Variants in DOCK2 observed in about 807,000 individuals in gnomAD.
DOCK2 encodes dedicator of cytokinesis 2.
DOCK2 carries 87 observed loss-of-function variants against 248.9 expected under a neutral mutation model. The ratio of observed to expected loss-of-function variants is 0.35; its 90% confidence interval spans 0.29 to 0.42. DOCK2 has a LOEUF of 0.42. Ranked by LOEUF, DOCK2 falls within the 10% of genes least tolerant of loss-of-function variation. The pLI, the probability that DOCK2 is intolerant of heterozygous loss-of-function variation, is 1.00. For missense variants in DOCK2, 1,747 were observed against 2,300.2 expected (o/e 0.76, Z 4.92); for synonymous variants, 805 against 821.6 (o/e 0.98, Z 0.35).
chr5:170,031,298 TGAAA>T (rs1416788294), intron 34 of DOCK2, among the ~76,000 whole-genome samples: 11 of 152,180 alleles, frequency 7.2e-5, no homozygotes, highest in Admixed American at 6.5e-4. Context: ...TTTCAAGGAA[TGAAA>T]GAAAGTCCAG....
chr5:169,990,962 G>A (rs181221612), intron 29 of DOCK2, among the ~76,000 whole-genome samples: 12 of 152,390 alleles, frequency 7.9e-5, no homozygotes, highest in African/African-American at 2.9e-4. Context: ...AACAACAGCT[G>A]ACATGTACTG....
chr5:169,740,560 G>A (rs555164019), intron 22 of DOCK2, among the ~76,000 whole-genome samples: 7 of 152,236 alleles, frequency 4.6e-5, no homozygotes, highest in Non-Finnish European at 7.4e-5. Flanking sequence ...AAATAATCTC[G>A]TCATTGACAA....
rs1044632869 is a variant in DOCK2 at position 170,067,442 on chromosome 5, C to A, written c.4468-68C>A. The A allele has an allele frequency of 7.5e-5, 113 of 1,504,040 alleles. 1 individual carries two copies. Among genetic ancestry groups the A allele is most frequent in the Admixed American group, 1.1e-4 (6 of 53,738 alleles). 93.2% of individuals were successfully genotyped at this position (1,504,040 alleles called of 1,614,324 possible). ...ATTCCCACCCCAAGTGAAATCAATA[C>A]CAATAATATCTGTTTTTAAAGTGAC... On this transcript the variant is annotated intron_variant, in intron 44 of 51. Coordinates refer to ENST00000520908, the MANE Select transcript of DOCK2 (RefSeq NM_004946.3).
chr5:169,721,960 T>G (rs1762234577), intron 22 of DOCK2, among the ~76,000 whole-genome samples: 1 of 152,218 alleles, frequency 6.6e-6, no homozygotes, highest in Non-Finnish European at 1.5e-5. Context: ...GTGCTGTAGC[T>G]GCAAAGGAAG....
At chr5:169,980,932 A>G (rs1777917910) in intron 27 of DOCK2, among the ~76,000 whole-genome samples, 1 of 152,056 alleles carries the variant, frequency 6.6e-6, no homozygotes, top group Non-Finnish European at 1.5e-5. Context: ...CAGCTTTGTG[A>G]TCTCCGCCGG....
At chr5:169,639,240 G>T (rs920843129) in intron 1 of DOCK2, among the ~76,000 whole-genome samples, 1 of 152,170 alleles carries the variant, frequency 6.6e-6, no homozygotes, top group African/African-American at 2.4e-5. Flanking sequence ...CTAGCAGGAG[G>T]TCACTTATAA....
intron 22 of DOCK2, among the ~76,000 whole-genome samples, chr5:169,720,946 TCTC>T (rs1762166565): frequency 6.6e-6 from 1 of 152,174 alleles, no homozygotes; most frequent in African/African-American, 2.4e-5. Context: ...ATGGTCTTGA[TCTC>T]CTGATCTCGT....
chr5:169,855,812 C>T (rs1348982746), intron 27 of DOCK2, among the ~76,000 whole-genome samples: 1 of 152,124 alleles, frequency 6.6e-6, no homozygotes, highest in Non-Finnish European at 1.5e-5. Flanking sequence ...GAGAAAGAGC[C>T]ACAAGAGAAT....
intron 14 of DOCK2, among the ~76,000 whole-genome samples, chr5:169,703,487 A>ATCTCAGAAGT (rs1489541127): frequency 6.6e-6 from 1 of 152,200 alleles, no homozygotes; most frequent in Non-Finnish European, 1.5e-5. Context: ...GACTGGTTCC[A>ATCTCAGAAGT]GGCCCTCTGA....
intron 26 of DOCK2, among the ~76,000 whole-genome samples, chr5:169,804,485 T>TGTGCGCGC (rs61431388): frequency 1.6e-4 from 11 of 68,132 alleles, no homozygotes; most frequent in Non-Finnish European, 2.1e-4. Context: ...TGTGTGTGTG[T>TGTGCGCGC]GCGCGCGCGC....
At chr5:169,859,958 C>CTTTTTT (rs759586059) in intron 27 of DOCK2, among the ~76,000 whole-genome samples, 5 of 107,178 alleles carry the variant, frequency 4.7e-5, no homozygotes, top group Non-Finnish European at 7.2e-5. Context: ...GTGGATCCTT[C>CTTTTTT]TTTTTTTTTT....
chr5:170,013,169 G>A (rs573393408), intron 32 of DOCK2, among the ~76,000 whole-genome samples: 228 of 151,952 alleles, frequency 1.5e-3, no homozygotes, highest in African/African-American at 5.3e-3. Context: ...AGGTATTCTA[G>A]GGGAGCAACC....
chr5:169,694,750 T>C (rs1239690935), intron 9 of DOCK2, among the ~76,000 whole-genome samples: 1 of 151,942 alleles, frequency 6.6e-6, no homozygotes, highest in African/African-American at 2.4e-5. Context: ...GAGGCTGATG[T>C]GGGAGGATTG....
chr5:169,714,051 T>C lies in DOCK2; in HGVS notation c.1683T>C (p.Asp561=). 1 of 1,607,396 alleles carries C rather than the reference T, an allele frequency of 6.2e-7. No homozygotes were observed. Among genetic ancestry groups the C allele is most frequent in the Non-Finnish European group, 8.5e-7 (1 of 1,175,642 alleles). ...AGGGGGACAGCAAGAAGATGGAGGA[T>C]GCCAGCGCATACCTGACCCTTCCTT... is the stretch of plus-strand genomic sequence containing the variant. ...VLKGDSKKME[D]ASAYLTLPSY... is the part of the protein sequence containing the mutation. The change falls in exon 18 of 52, where the codon GAT becomes GAC. Residue 561 remains aspartate, a synonymous_variant. Transcript: ENST00000520908.
At chr5:169,656,881 AC>A (rs1463609088) in intron 2 of DOCK2, among the ~76,000 whole-genome samples, 1 of 152,170 alleles carries the variant, frequency 6.6e-6, no homozygotes, top group Admixed American at 6.5e-5. Flanking sequence ...GACTCAAGCC[AC>A]CTTTATTCAT....
chr5:169,951,325 C>T (rs772544150), intron 27 of DOCK2, among the ~76,000 whole-genome samples: 7 of 152,228 alleles, frequency 4.6e-5, no homozygotes, highest in Non-Finnish European at 1.0e-4. Context: ...CCTTCTGATG[C>T]TGCATATGTG....
intron 26 of DOCK2, 139 bp downstream of exon 26, chr5:169,803,345 C>T: frequency 9.1e-7 from 1 of 1,101,106 alleles, no homozygotes; most frequent in Non-Finnish European, 1.3e-6. Flanking sequence ...CCTACTTTTC[C>T]TGTGACTAAC....
intron 25 of DOCK2, among the ~76,000 whole-genome samples, chr5:169,788,646 G>C (rs1241333899): frequency 6.6e-6 from 1 of 152,156 alleles, no homozygotes; most frequent in Non-Finnish European, 1.5e-5. Context: ...TGGAGCTCAT[G>C]TTGTCTTTTC....
intron 27 of DOCK2, among the ~76,000 whole-genome samples, chr5:169,890,328 A>G (rs1315144202): frequency 6.6e-6 from 1 of 152,028 alleles, no homozygotes; most frequent in Non-Finnish European, 1.5e-5. Flanking sequence ...GGAGCCATTT[A>G]CTGTTGATCA....
Sources: allele counts gnomAD v4.1 joint callset (sites outside exome capture counted in the v4.1 genomes callset), GRCh38; gene constraint gnomAD v4.1.1; transcripts MANE v1.5; gene names NCBI Gene and HGNC (gene_info 2026-07-23, HGNC 2026-07-21).